Variants in ZNF585A observed in about 807,000 individuals in gnomAD.
ZNF585A encodes the protein zinc finger protein 585A.
ZNF585A carries 9 observed loss-of-function variants against 14.9 expected under a neutral mutation model. The observed-to-expected ratio is 0.60, with a 90% CI of 0.36 to 1.05. The LOEUF (loss-of-function observed/expected upper bound fraction) is 1.05, where lower values mean the gene tolerates loss of function less well. ZNF585A is among the 50% of genes least tolerant of loss of function. The pLI is 0.01. For synonymous variants in ZNF585A, 276 were observed against 319.9 expected (o/e 0.86, Z 1.46); for missense variants, 726 against 926.4 (o/e 0.78, Z 2.81).
At chr19:37,166,652 ATTGTCAACACATCAAC>A (rs1972095713) in intron 2 of ZNF585A, among the ~76,000 whole-genome samples, 1 of 150,036 alleles carries the variant, frequency 6.7e-6, no homozygotes, top group African/African-American at 2.5e-5. Flanking sequence ...CCATTTTTTG[ATTGTCAACACATCAAC>A]TTGTCAACAC....
chr19:37,159,334 A>G (rs1360291500), intron 2 of ZNF585A, among the ~76,000 whole-genome samples: 1 of 151,904 alleles, frequency 6.6e-6, no homozygotes, highest in Non-Finnish European at 1.5e-5. Context: ...TCTTTATACT[A>G]TTATCTTTAC....
chr19:37,147,712 A>G lies in ZNF585A; in HGVS notation c.*3877T>C, dbSNP rs16971986. 1.2e-3 allele frequency: 180 copies of G among 152,334 alleles called. No individual in the cohort carries two copies. Among genetic ancestry groups the G allele is most frequent in the African/African-American group, 4.1e-3 (172 of 41,590 alleles). 9.4% of individuals were successfully genotyped at this position (152,334 alleles called of 1,614,324 possible). A position where few individuals can be genotyped will look rare whatever the true frequency, so the allele number is the denominator to read the frequency against. On this transcript the variant is annotated 3_prime_UTR_variant, in exon 5 of 5. Coordinates refer to ENST00000292841, the MANE Select transcript of ZNF585A (RefSeq NM_001288800.2). Reference sequence around the variant, plus strand: ...ACACAATTTTCTATAGTATGTAATGACAGGCACATATAAAATTAAAATATA... The same window carrying G: ...ACACAATTTTCTATAGTATGTAATGGCAGGCACATATAAAATTAAAATATA...
chr19:37,157,345 T>G (rs2145404399), intron 2 of ZNF585A, among the ~76,000 whole-genome samples: 1 of 152,298 alleles, frequency 6.6e-6, no homozygotes, highest in East Asian at 1.9e-4. Context: ...TCTGATCAAT[T>G]TAGGACGAGC....
In ZNF585A at chr19:37,147,105, CATGAGGCTG is replaced by C. The variant is rs1428936586; in HGVS notation, c.*4475_*4483del. On this transcript the variant is annotated 3_prime_UTR_variant, in exon 5 of 5. Transcript: ENST00000292841. ...AACAGGACAGACAAAGTCTGGTTCT[CATGAGGCTG>C]ATGGTCCAGTGGGGAAGAGGGATGA... 1.3e-5 allele frequency: 2 copies of C among 152,202 alleles called. No individual in the cohort carries two copies. The highest frequency in any genetic ancestry group is 4.8e-5 in the African/African-American group (2 of 41,434). 9.4% of individuals were successfully genotyped at this position (152,202 alleles called of 1,614,324 possible). A position where few individuals can be genotyped will look rare whatever the true frequency, so the allele number is the denominator to read the frequency against.
chr19:37,153,261 A>G lies in ZNF585A; in HGVS notation c.638T>C (p.Leu213Pro). The change falls in exon 5 of 5, where the codon CTC becomes CCC. Residue 213 changes from leucine to proline, a missense_variant. This residue lies in a region of ZNF585A where 483 missense variants were observed against 542.8 expected (regional missense o/e 0.89). Transcript: ENST00000292841. The stretch of plus-strand genomic sequence containing the variant: ...TTTCCCACACTGGCTGCATTCATAG[A>G]GTTTCTCTCCGGTATGAATTCTCTG... ...RHQRIHTGEK[L>P]YECSQCGKGF... The G allele has an allele frequency of 1.2e-6, 2 of 1,614,138 alleles. No individual in the cohort carries two copies. Among genetic ancestry groups the G allele is most frequent in the Non-Finnish European group, 1.7e-6 (2 of 1,180,020 alleles).
intron 1 of ZNF585A, among the ~76,000 whole-genome samples, chr19:37,171,189 A>G (rs1972175145): frequency 1.3e-5 from 2 of 152,266 alleles, no homozygotes; most frequent in South Asian, 2.1e-4. Flanking sequence ...AATCACAAAG[A>G]CTATTAAAAT....
intron 2 of ZNF585A, among the ~76,000 whole-genome samples, chr19:37,168,432 A>G (rs1158361376): frequency 6.6e-6 from 1 of 152,196 alleles, no homozygotes; most frequent in Admixed American, 6.5e-5. Context: ...TCTGACCACC[A>G]TGGTGGAAGA....
intron 4 of ZNF585A, 139 bp downstream of exon 4, chr19:37,155,726 G>A: frequency 1.2e-6 from 1 of 865,952 alleles, no homozygotes. Context: ...GAGGCCAAGG[G>A]GGCATCAAGC....
intron 2 of ZNF585A, among the ~76,000 whole-genome samples, chr19:37,157,156 T>C (rs1453106875): frequency 6.6e-6 from 1 of 152,258 alleles, no homozygotes; most frequent in Non-Finnish European, 1.5e-5. Flanking sequence ...AAACATTTTA[T>C]ATATATGCAT....
chr19:37,160,163 T>C (rs1971991552), intron 2 of ZNF585A, among the ~76,000 whole-genome samples: 1 of 151,614 alleles, frequency 6.6e-6, no homozygotes, highest in Non-Finnish European at 1.5e-5. Context: ...CAAAACCCCA[T>C]CTCCATCAAT....
Position 37,145,998 on chromosome 19 carries a change from G to C in ZNF585A, c.*5591C>G, listed in dbSNP as rs1971738682. The C allele has an allele frequency of 1.3e-5, 2 of 152,200 alleles. No homozygotes were observed. The highest frequency in any genetic ancestry group is 4.8e-5 in the African/African-American group (2 of 41,444). The allele number at this position is 152,200 out of a possible 1,614,324, so 9.4% of individuals were successfully genotyped here. ...TATAATTATAGAATTAAGTAAAACT[G>C]TAAGTGGTATGCTATGGCATGGTGT... On this transcript the variant is annotated 3_prime_UTR_variant, in exon 5 of 5. Transcript: ENST00000292841.
rs374536603 is a variant in ZNF585A, at chr19:37,152,526, C to T, written c.1373G>A (p.Arg458Gln). 2.2e-5 allele frequency: 35 copies of T among 1,613,960 alleles called. No homozygotes were observed. The highest frequency in any genetic ancestry group is 1.6e-4 in the Middle Eastern group (1 of 6,084). Reference sequence around the variant, plus strand: ...ATAGGGCTTTTCTCCTGTGTGAATTCGTTTATGAACATGGAGTTGCGACTT... The same window carrying T: ...ATAGGGCTTTTCTCCTGTGTGAATTTGTTTATGAACATGGAGTTGCGACTT... ...TSKSQLHVHK[R>Q]IHTGEKPYMC... The change falls in exon 5 of 5, where the codon CGA (arginine) becomes CAA (glutamine). Residue 458 changes from arginine to glutamine, a missense_variant. Physicochemically the swap from Arg to Gln is conservative, Grantham distance 43. Around this residue, in one of 2 missense-constraint regions of ZNF585A, gnomAD observed 243 missense variants for 383.6 expected, o/e 0.63. Coordinates refer to ENST00000292841, the MANE Select transcript of ZNF585A (RefSeq NM_001288800.2).
At chr19:37,158,616 T>C (rs1249640064) in intron 2 of ZNF585A, among the ~76,000 whole-genome samples, 1 of 152,076 alleles carries the variant, frequency 6.6e-6, no homozygotes, top group East Asian at 1.9e-4. Context: ...TACAAGAGAA[T>C]GGACATGGAA....
rs756330115 is a variant in ZNF585A, at chr19:37,154,997, C to CT, written c.292+867dup. Among the ~76,000 whole-genome samples the CT allele has an allele frequency of 6.7e-3, 757 of 113,594 alleles. 6 individuals carry two copies. Among genetic ancestry groups the CT allele is most frequent in the African/African-American group, 0.011 (307 of 28,510 alleles). 74.5% of individuals were successfully genotyped at this position (113,594 alleles called of 152,430 possible). On this transcript the variant is annotated intron_variant, in intron 4 of 4. Coordinates refer to ENST00000292841, the MANE Select transcript of ZNF585A (RefSeq NM_001288800.2). ...ATGAGCATAACCAAGAAAGAAAGAT[C>CT]TTTTTTTTTTTTTTTTTTTTTGAGA...
chr19:37,166,206 GT>G (rs1972088316), intron 2 of ZNF585A, among the ~76,000 whole-genome samples: 1 of 151,674 alleles, frequency 6.6e-6, no homozygotes, highest in African/African-American at 2.4e-5. Context: ...TAGAGATGGG[GT>G]TTCGCCATGT....
At chr19:37,155,712 C>A (rs183988687) in intron 4 of ZNF585A, among the ~76,000 whole-genome samples, 153 bp downstream of exon 4, 1 of 152,256 alleles carries the variant, frequency 6.6e-6, no homozygotes, top group Admixed American at 6.5e-5. Context: ...ATTTAGTGAT[C>A]TGAGAGGCCA....
chr19:37,151,572 T>C lies in ZNF585A; in HGVS notation c.*17A>G. On this transcript the variant is annotated 3_prime_UTR_variant, in exon 5 of 5. Coordinates refer to ENST00000292841, the MANE Select transcript of ZNF585A (RefSeq NM_001288800.2). ...ATCAGACCCAACCCTCAGGGGGGTT[T>C]TCTCACACTGTTTCTCTCAAGCGTG... is the stretch of plus-strand genomic sequence containing the variant. 6.3e-7 allele frequency: 1 copy of C among 1,597,032 alleles called. No individual in the cohort carries two copies. Among genetic ancestry groups the C allele is most frequent in the Non-Finnish European group, 8.5e-7 (1 of 1,170,726 alleles).
intron 2 of ZNF585A, among the ~76,000 whole-genome samples, chr19:37,167,162 T>C (rs1476102183): frequency 6.6e-6 from 1 of 151,912 alleles, no homozygotes; most frequent in Admixed American, 6.6e-5. Context: ...ATGCACTACT[T>C]TATCCAAATG....
In ZNF585A at chr19:37,151,707, G is replaced by C. The variant is rs757248088; in HGVS notation, c.2192C>G (p.Ser731Cys). 1 of 1,614,150 alleles carries C rather than the reference G, an allele frequency of 6.2e-7. No homozygotes were observed. Among genetic ancestry groups the C allele is most frequent in the Non-Finnish European group, 8.5e-7 (1 of 1,180,032 alleles). The change falls in exon 5 of 5, where the codon TCC becomes TGC. Residue 731 changes from serine to cysteine, a missense_variant. Transcript: ENST00000292841. ...AECGKAFTDR[S>C]NLNKHQTTHT... ...TGTTGTCTGATGTTTATTCAAATTG[G>C]ACCTGTCAGTAAAGGCCTTCCCACA...
Sources: gnomAD v4.1 joint callset for allele counts (sites outside exome capture counted in the v4.1 genomes callset) on GRCh38, gnomAD v4.1.1 for gene constraint, gnomAD v4.1.1 regional missense constraint, MANE v1.5 for transcripts, NCBI Gene and HGNC (gene_info 2026-07-23, HGNC 2026-07-21) for gene names.